MAP3K5: variants seen among roughly 807,000 people sequenced by gnomAD.
MAP3K5 encodes mitogen-activated protein kinase kinase kinase 5.
Under a neutral mutation model 158.7 loss-of-function variants are expected in MAP3K5, and 56 were observed. That is an observed-to-expected ratio of 0.35 (90% CI 0.28 to 0.44). MAP3K5 has a LOEUF of 0.44. MAP3K5 is among the 20% of genes least tolerant of loss of function. The pLI is 1.00. For missense variants in MAP3K5, 1,294 were observed against 1,674.8 expected (o/e 0.77, Z 3.97); for synonymous variants, 579 against 601.7 (o/e 0.96, Z 0.55).
At chr6:136,709,950 C>T (rs1421892815) in intron 2 of MAP3K5, among the ~76,000 whole-genome samples, 1 of 152,132 alleles carries the variant, frequency 6.6e-6, no homozygotes, top group Non-Finnish European at 1.5e-5. Context: ...AAAGAAAAAT[C>T]ATTCGTGTAA....
At chr6:136,698,267 G>A (rs970838645) in intron 4 of MAP3K5, among the ~76,000 whole-genome samples, 5 of 152,202 alleles carry the variant, frequency 3.3e-5, no homozygotes, top group South Asian at 2.1e-4. Flanking sequence ...ACTATAAAGC[G>A]GTTAGTAGAC....
At chr6:136,659,841 C>T (rs999270150) in intron 8 of MAP3K5, among the ~76,000 whole-genome samples, 1 of 152,132 alleles carries the variant, frequency 6.6e-6, no homozygotes, top group Admixed American at 6.5e-5. Context: ...GCCACTGAAG[C>T]GTGCACTTCA....
Position 136,697,311 on chromosome 6 carries a change from C to G in MAP3K5, c.883G>C (p.Glu295Gln). The change falls in exon 5 of 30, where the codon GAG becomes CAG. Residue 295 changes from glutamate (E) to glutamine (Q), a missense_variant. Physicochemically the swap from Glu to Gln is conservative, Grantham distance 29 (BLOSUM62 2). Coordinates refer to ENST00000359015, the MANE Select transcript of MAP3K5 (RefSeq NM_005923.4). ...ACTCGCTGCCGAATTCTTGCCAACT[C>G]AGCTGCCAATTCTTTACCAGTGTAT... ...NLYTGKELAA[E>Q]LARIRQRVDN... The G allele has an allele frequency of 1.2e-6, 2 of 1,613,664 alleles. No homozygotes were observed. The highest frequency in any genetic ancestry group is 1.7e-6 in the Non-Finnish European group (2 of 1,179,742).
chr6:136,665,258 ACTTT>A (rs765403596), intron 8 of MAP3K5, among the ~76,000 whole-genome samples: 1 of 152,168 alleles, frequency 6.6e-6, no homozygotes, highest in Non-Finnish European at 1.5e-5. Flanking sequence ...CTTTATCATT[ACTTT>A]ATTAACTATA....
intron 28 of MAP3K5, 53 bp from the exon 29 acceptor site, chr6:136,558,929 G>A (rs768706782): frequency 1.4e-5 from 12 of 879,102 alleles, no homozygotes; most frequent in Non-Finnish European, 2.3e-5. Context: ...CTTTAATAAA[G>A]CACAAACTCT....
intron 20 of MAP3K5, among the ~76,000 whole-genome samples, chr6:136,601,367 C>T (rs553965595): frequency 6.6e-6 from 1 of 152,190 alleles, no homozygotes; most frequent in Non-Finnish European, 1.5e-5. Context: ...AGTATATACC[C>T]TAAGAGGCAA....
chr6:136,666,458 T>C (rs917254105), intron 8 of MAP3K5, among the ~76,000 whole-genome samples: 8 of 152,252 alleles, frequency 5.3e-5, no homozygotes, highest in African/African-American at 1.9e-4. Flanking sequence ...TTCGGAATAA[T>C]TTGTATGTTT....
chr6:136,667,564 G>A (rs1383040439), intron 8 of MAP3K5, among the ~76,000 whole-genome samples: 4 of 152,102 alleles, frequency 2.6e-5, no homozygotes, highest in Non-Finnish European at 1.5e-5. Context: ...CAGCTTGGGT[G>A]ACAGAGTGAG....
intron 14 of MAP3K5, among the ~76,000 whole-genome samples, chr6:136,627,502 C>T (rs1338652701): frequency 1.3e-5 from 2 of 152,154 alleles, no homozygotes; most frequent in South Asian, 2.1e-4. Flanking sequence ...TTTGCGTACC[C>T]CCCTCTTCAG....
At chr6:136,640,847 TGGA>T (rs1777896047) in intron 12 of MAP3K5, among the ~76,000 whole-genome samples, 2 of 152,176 alleles carry the variant, frequency 1.3e-5, no homozygotes, top group Non-Finnish European at 2.9e-5. Context: ...CTCTTCTTTG[TGGA>T]GGAGGAGGCC....
chr6:136,752,452 T>C (rs1783255250), intron 1 of MAP3K5, among the ~76,000 whole-genome samples: 1 of 152,104 alleles, frequency 6.6e-6, no homozygotes, highest in South Asian at 2.1e-4. Context: ...CGCTCTGTCT[T>C]CCAGGCTGGA....
intron 18 of MAP3K5, among the ~76,000 whole-genome samples, chr6:136,606,466 G>A (rs959735886): frequency 2.0e-5 from 3 of 152,154 alleles, no homozygotes; most frequent in South Asian, 4.1e-4. Context: ...AGGGGGCCAC[G>A]AGCCCTTAGT....
chr6:136,577,696 C>G (rs1411854173), intron 25 of MAP3K5, among the ~76,000 whole-genome samples: 4 of 152,160 alleles, frequency 2.6e-5, no homozygotes, highest in Non-Finnish European at 5.9e-5. Context: ...ACTTTCTATT[C>G]TGGAAGAATT....
At chr6:136,687,117 C>T (rs1335257301) in intron 7 of MAP3K5, among the ~76,000 whole-genome samples, 4 of 152,146 alleles carry the variant, frequency 2.6e-5, no homozygotes, top group East Asian at 1.9e-4. Context: ...AGAAATACCA[C>T]CATACATCTC....
rs535051138 is a variant in MAP3K5, at chr6:136,649,775, A to C, written c.1788+1209T>G. Among the ~76,000 whole-genome samples the C allele has an allele frequency of 1.9e-4, 29 of 152,378 alleles. No individual in the cohort carries two copies. In the South Asian group the frequency reaches 6.0e-3, roughly 32 times the overall value. ...TTAAGATATATTGAACATCTATTAT[A>C]TGCCAGGCTCTGTGAAATGCACTCT... On this transcript the variant is annotated intron_variant, in intron 11 of 29. Coordinates refer to ENST00000359015, the MANE Select transcript of MAP3K5 (RefSeq NM_005923.4).
chr6:136,778,870 A>G (rs1208392071), intron 1 of MAP3K5, among the ~76,000 whole-genome samples: 1 of 152,190 alleles, frequency 6.6e-6, no homozygotes, highest in African/African-American at 2.4e-5. Context: ...TGTTTTAAAG[A>G]TTAAATAGGC....
At chr6:136,730,873 A>G (rs1782195647) in intron 1 of MAP3K5, among the ~76,000 whole-genome samples, 1 of 152,194 alleles carries the variant, frequency 6.6e-6, no homozygotes, top group Non-Finnish European at 1.5e-5. Flanking sequence ...AGAAACACAG[A>G]TATGTGCTCA....
At chr6:136,792,491 G>A (rs1040517584), upstream of MAP3K5, 1 of 627,460 alleles carries the variant, frequency 1.6e-6, no homozygotes, top group Non-Finnish European at 2.0e-6. The surrounding 1 kb of genome is among the most constrained non-coding windows in gnomAD (Gnocchi z 5.7). Flanking sequence ...AACCTGCGCC[G>A]CGGTGCAGCT....
At chr6:136,644,183 G>A (rs1778128633) in intron 11 of MAP3K5, among the ~76,000 whole-genome samples, 1 of 152,202 alleles carries the variant, frequency 6.6e-6, no homozygotes, top group South Asian at 2.1e-4. Context: ...TGTAGGAAAG[G>A]AGGGGAGCAT....
Sources: gnomAD v4.1 joint callset for allele counts (sites outside exome capture counted in the v4.1 genomes callset) on GRCh38, gnomAD v4.1.1 for gene constraint, Gnocchi (gnomAD v3.1) non-coding constraint, MANE v1.5 for transcripts, NCBI Gene and HGNC (gene_info 2026-07-23, HGNC 2026-07-21) for gene names.